Variants in DZIP3 observed in about 807,000 individuals in gnomAD.
The protein encoded by DZIP3 is DAZ interacting zinc finger protein 3, also known as E3 ubiquitin-protein ligase DZIP3.
Under a neutral mutation model 162.0 loss-of-function variants are expected in DZIP3, and 118 were observed. The observed-to-expected ratio is 0.73, with a 90% CI of 0.63 to 0.85. DZIP3 has a LOEUF of 0.85. Among genes scored for constraint, DZIP3 ranks in the 40% least tolerant of loss-of-function variants. The pLI is 0.00. For synonymous variants in DZIP3, 438 were observed against 458.6 expected (o/e 0.96, Z 0.57); for missense variants, 1,331 against 1,407.0 (o/e 0.95, Z 0.86).
At chr3:108,643,078 A>G (rs1281148053) in intron 13 of DZIP3, among the ~76,000 whole-genome samples, 1 of 152,174 alleles carries the variant, frequency 6.6e-6, no homozygotes, top group Non-Finnish European at 1.5e-5. Context: ...TTAGCTTTTT[A>G]ACTTGCCTCC....
Position 108,662,270 on chromosome 3 carries a change from C to A in DZIP3, c.2423+13C>A. ...ATAAGGTTTCCAAGTAAGTGTAAAT[C>A]TTTTGATAAAGGGAAATTCTGCGCC... On this transcript the variant is annotated intron_variant, in intron 21 of 32. Coordinates refer to ENST00000361582, the MANE Select transcript of DZIP3 (RefSeq NM_014648.4). 6.3e-7 allele frequency: 1 copy of A among 1,575,118 alleles called. No homozygotes were observed. Among genetic ancestry groups the A allele is most frequent in the Non-Finnish European group, 8.6e-7 (1 of 1,168,026 alleles).
intron 6 of DZIP3, among the ~76,000 whole-genome samples, chr3:108,625,207 A>G (rs1044927242): frequency 1.3e-5 from 2 of 152,012 alleles, no homozygotes; most frequent in Non-Finnish European, 2.9e-5. Flanking sequence ...TGAAGCATCT[A>G]TTATAACAGA....
intron 12 of DZIP3, among the ~76,000 whole-genome samples, chr3:108,640,608 G>A (rs1296167922): frequency 6.6e-6 from 1 of 151,878 alleles, no homozygotes; most frequent in African/African-American, 2.4e-5. Flanking sequence ...ACCACACCCA[G>A]CTAATTTTTG....
chr3:108,599,991 A>C (rs886428715), intron 1 of DZIP3, among the ~76,000 whole-genome samples: 1 of 152,236 alleles, frequency 6.6e-6, no homozygotes, highest in African/African-American at 2.4e-5. Flanking sequence ...TATTGCTGCT[A>C]ATCTAGCAGA....
At chr3:108,659,294 A>G (rs1383948556) in intron 19 of DZIP3, among the ~76,000 whole-genome samples, 1 of 152,310 alleles carries the variant, frequency 6.6e-6, no homozygotes, top group East Asian at 1.9e-4. Context: ...CTTATCCACC[A>G]TGATCAAGTG....
At chr3:108,594,832 A>T (rs1384840103) in intron 1 of DZIP3, among the ~76,000 whole-genome samples, 1 of 152,104 alleles carries the variant, frequency 6.6e-6, no homozygotes, top group African/African-American at 2.4e-5. Flanking sequence ...ATTTTATGCC[A>T]TGTATTTTAT....
chr3:108,680,697 C>T (rs1944274021), intron 26 of DZIP3, among the ~76,000 whole-genome samples: 1 of 151,944 alleles, frequency 6.6e-6, no homozygotes, highest in Non-Finnish European at 1.5e-5. Context: ...GAAATGCAAA[C>T]CAAAATTACA....
chr3:108,635,371 G>T, intron 10 of DZIP3: 1 of 314,344 alleles, frequency 3.2e-6, no homozygotes, highest in Non-Finnish European at 6.2e-6. Flanking sequence ...CAGTTTTAAG[G>T]ATTTCCATTT....
intron 5 of DZIP3, among the ~76,000 whole-genome samples, chr3:108,621,072 C>T (rs796309740): frequency 2.0e-4 from 31 of 152,282 alleles, no homozygotes; most frequent in African/African-American, 6.0e-4. Flanking sequence ...CTGCCTGCCT[C>T]GGCCTCCCAA....
At chr3:108,625,788 G>A (rs1364409807) in intron 6 of DZIP3, 57 bp from the exon 7 acceptor site, 4 of 1,283,676 alleles carry the variant, frequency 3.1e-6, no homozygotes, top group East Asian at 5.1e-5. Flanking sequence ...ATTGTTTATT[G>A]TAAAAAAAAA....
intron 3 of DZIP3, among the ~76,000 whole-genome samples, chr3:108,609,935 A>G (rs901789262): frequency 6.6e-6 from 1 of 152,198 alleles, no homozygotes; most frequent in Non-Finnish European, 1.5e-5. Context: ...ATGATTCTAC[A>G]AGTACTTTTG....
rs149808576 is a variant in DZIP3 at position 108,593,314 on chromosome 3, A to C, written c.-73+3475A>C. On this transcript the variant is annotated intron_variant, in intron 1 of 32. Transcript: ENST00000361582. ...ATGATTTCCATTCTAGAGATGAAAA[A>C]ACTAAGATAGGAAGGGGAAGTAATT... Among the ~76,000 whole-genome samples the C allele has an allele frequency of 3.9e-3, 591 of 152,294 alleles. 2 individuals are homozygous for C. The highest frequency in any genetic ancestry group is 0.013 in the African/African-American group (559 of 41,562).
intron 19 of DZIP3, among the ~76,000 whole-genome samples, chr3:108,661,185 C>G (rs1205457807): frequency 6.6e-6 from 1 of 152,136 alleles, no homozygotes; most frequent in East Asian, 1.9e-4. Context: ...TACATGCACA[C>G]GTATGTTTAT....
chr3:108,631,055 A>ACACACACATACACACTCTCT, intron 8 of DZIP3, among the ~76,000 whole-genome samples: 1 of 18,006 alleles, frequency 5.6e-5, no homozygotes, highest in African/African-American at 2.8e-4. Context: ...ACACACACAC[A>ACACACACATACACACTCTCT]CTCTCTCTCT....
At chr3:108,619,968 C>A (rs1285004324) in intron 5 of DZIP3, among the ~76,000 whole-genome samples, 1 of 151,504 alleles carries the variant, frequency 6.6e-6, no homozygotes, top group African/African-American at 2.4e-5. Context: ...TCCAAGACCA[C>A]CCTCATGTTC....
At chr3:108,662,286 A>G (rs1314673876) in intron 21 of DZIP3, 29 bp downstream of exon 21, 1 of 1,565,346 alleles carries the variant, frequency 6.4e-7, no homozygotes, top group East Asian at 2.2e-5. Context: ...ATAAAGGGAA[A>G]TTCTGCGCCG....
At chr3:108,616,760 T>A (rs1246409231) in intron 5 of DZIP3, 103 bp downstream of exon 5, 1 of 776,708 alleles carries the variant, frequency 1.3e-6, no homozygotes, top group Non-Finnish European at 2.1e-6. Flanking sequence ...GGCCAATTTT[T>A]ATTTTTTTCT....
At chr3:108,621,833 A>G (rs544581421) in intron 5 of DZIP3, among the ~76,000 whole-genome samples, 3 of 152,314 alleles carry the variant, frequency 2.0e-5, no homozygotes, top group Admixed American at 2.0e-4. Context: ...ACTATTCACA[A>G]TAGCCAAGAT....
Position 108,636,597 on chromosome 3 carries a change from T to A in DZIP3, c.919-19T>A, listed in dbSNP as rs773356362. The A allele has an allele frequency of 1.6e-5, 24 of 1,480,294 alleles. 1 individual carries two copies. Among genetic ancestry groups the A allele is most frequent in the Non-Finnish European group, 2.2e-5 (24 of 1,100,604 alleles). 91.7% of individuals were successfully genotyped at this position (1,480,294 alleles called of 1,614,324 possible). On this transcript the variant is annotated intron_variant, in intron 10 of 32. Transcript: ENST00000361582. ...AGTGATTTTTTTCTATTTTTATTTTTTTCTATTAATAAATTTAGAGTTTTA... is the reference window on the plus strand; with the variant it reads ...AGTGATTTTTTTCTATTTTTATTTTATTCTATTAATAAATTTAGAGTTTTA...
Sources: gnomAD v4.1 joint callset for allele counts (sites outside exome capture counted in the v4.1 genomes callset) on GRCh38, gnomAD v4.1.1 for gene constraint, MANE v1.5 for transcripts, NCBI Gene and HGNC (gene_info 2026-07-23, HGNC 2026-07-21) for gene names.